The following REEP6 variants were observed in gnomAD, a reference collection of about 807,000 sequenced individuals.
REEP6 encodes receptor expression-enhancing protein 6.
In REEP6, 19 loss-of-function variants were observed where a neutral mutation model predicts 22.4. The observed-to-expected ratio is 0.85, with a 90% CI of 0.59 to 1.25. The LOEUF (loss-of-function observed/expected upper bound fraction) is 1.25, where lower values mean the gene tolerates loss of function less well. Ranked by LOEUF, REEP6 falls within the 50% of genes most tolerant of loss-of-function variation. The pLI is 0.00. For synonymous variants in REEP6, 121 were observed against 113.6 expected (o/e 1.06, Z -0.41); for missense variants, 273 against 251.9 (o/e 1.08, Z -0.57).
chr19:1,494,718 A>G (rs2084991415), intron 1 of REEP6, among the ~76,000 whole-genome samples: 1 of 151,124 alleles, frequency 6.6e-6, no homozygotes, highest in African/African-American at 2.4e-5. Context: ...TTTGAGACGG[A>G]GCCTCACCCA....
intron 4 of REEP6, chr19:1,496,707 T>C: frequency 1.5e-6 from 1 of 678,310 alleles, no homozygotes; most frequent in East Asian, 2.8e-5. Context: ...GAGCTGTGTG[T>C]GTGTGTGTGT....
At chr19:1,492,042 T>G (rs536873273) in intron 1 of REEP6, among the ~76,000 whole-genome samples, 34 of 152,294 alleles carry the variant, frequency 2.2e-4, no homozygotes, top group African/African-American at 6.5e-4. Context: ...TTGGTGACGC[T>G]GCGCGCCCCT....
At chr19:1,495,765 G>C (rs778661260) in intron 3 of REEP6, 158 bp downstream of exon 3, 2 of 986,366 alleles carry the variant, frequency 2.0e-6, no homozygotes, top group Non-Finnish European at 1.5e-6. Context: ...TCCGGGGGCT[G>C]ATGGTGGAGG....
chr19:1,495,487 C>T lies in REEP6; in HGVS notation c.228C>T (p.Ser76=). Reference sequence around the variant, plus strand: ...CCTGCAGAATCAAAGCTATCGAGAGCCCAAGCAAGGACGACGACACTGTGT... The same window carrying T: ...CCTGCAGAATCAAAGCTATCGAGAGTCCAAGCAAGGACGACGACACTGTGT... The part of the protein sequence containing the change: ...PAYASIKAIE[S]PSKDDDTVWL... Residue 76 remains serine, a synonymous_variant, in exon 3 of 5, where the codon AGC becomes AGT. Transcript: ENST00000233596. The T allele has an allele frequency of 6.2e-7, 1 of 1,614,006 alleles. No homozygotes were observed. Among genetic ancestry groups the T allele is most frequent in the Non-Finnish European group, 8.5e-7 (1 of 1,179,992 alleles).
At chr19:1,493,470 G>A (rs2084982470) in intron 1 of REEP6, among the ~76,000 whole-genome samples, 1 of 152,142 alleles carries the variant, frequency 6.6e-6, no homozygotes, top group Admixed American at 6.5e-5. Context: ...CTTTGGTCCA[G>A]AAGTGGCCTC....
rs747751505 is a variant in REEP6 at position 1,491,801 on chromosome 19, C to T, written c.115+417C>T. ...GGGAGGCTCCTGGCGGGAAGGGGAACGGACCGTCCTGGGGGCCTGCCCAGG... is the reference window on the plus strand; with the variant it reads ...GGGAGGCTCCTGGCGGGAAGGGGAATGGACCGTCCTGGGGGCCTGCCCAGG... On this transcript the variant is annotated intron_variant, in intron 1 of 4. Transcript: ENST00000233596. The surrounding 1 kb of genome is among the most constrained non-coding windows in gnomAD (Gnocchi z 5.4). 2.0e-5 allele frequency among the ~76,000 whole-genome samples: 3 copies of T among 152,176 alleles called. No individual in the cohort carries two copies. The highest frequency in any genetic ancestry group is 2.1e-4 in the South Asian group (1 of 4,836).
rs751330788 is a variant in REEP6 at position 1,496,672 on chromosome 19, G to T, written c.517+219G>T. On this transcript the variant is annotated intron_variant, in intron 4 of 4. Coordinates refer to ENST00000233596, the MANE Select transcript of REEP6 (RefSeq NM_138393.4). ...CCCTCCACTCCCCTGGAAGCTGACC[G>T]TACGTAACCGCTGTGGGGAGATAGG... 5.1e-5 allele frequency: 37 copies of T among 723,230 alleles called. No homozygotes were observed. Among genetic ancestry groups the T allele is most frequent in the Non-Finnish European group, 8.4e-5 (33 of 393,194 alleles). 44.8% of individuals were successfully genotyped at this position (723,230 alleles called of 1,614,324 possible).
Position 1,497,682 on chromosome 19 carries a change from C to T in REEP6, c.*471C>T. On this transcript the variant is annotated 3_prime_UTR_variant, in exon 5 of 5. Transcript: ENST00000233596. The surrounding 1 kb of genome is among the most constrained non-coding windows in gnomAD (Gnocchi z 6.5). ...GCCCCCCAGCAAGTCCTCTGGCAAGCCGGAGGACGCAGCCCCCAAGACCAG... is the reference window on the plus strand; with the variant it reads ...GCCCCCCAGCAAGTCCTCTGGCAAGTCGGAGGACGCAGCCCCCAAGACCAG... 1 of 475,784 alleles carries T rather than the reference C, an allele frequency of 2.1e-6. No individual in the cohort carries two copies. The highest frequency in any genetic ancestry group is 4.3e-6 in the Non-Finnish European group (1 of 230,672). 29.5% of individuals were successfully genotyped at this position (475,784 alleles called of 1,614,324 possible). A position where few individuals can be genotyped will look rare whatever the true frequency, so the allele number is the denominator to read the frequency against.
At chr19:1,495,448 C>T in intron 2 of REEP6, 21 bp from the exon 3 acceptor site, 2 of 1,613,852 alleles carry the variant, frequency 1.2e-6, no homozygotes, top group Non-Finnish European at 1.7e-6. Context: ...AGCCCCTGAC[C>T]CTGCTGCACC....
intron 1 of REEP6, among the ~76,000 whole-genome samples, chr19:1,493,959 G>A (rs949761920): frequency 3.9e-5 from 6 of 152,104 alleles, no homozygotes; most frequent in Non-Finnish European, 8.8e-5. Context: ...ATGGTGGTAC[G>A]CTCAGCTACT....
intron 1 of REEP6, among the ~76,000 whole-genome samples, chr19:1,493,044 G>A (rs791474): frequency 6.6e-6 from 1 of 152,104 alleles, no homozygotes; most frequent in Admixed American, 6.5e-5. Context: ...GGAGGCAGGG[G>A]CTGCCTCTGT....
Position 1,496,320 on chromosome 19 carries a change from C to T in REEP6, c.384C>T (p.Pro128=), listed in dbSNP as rs2085005822. 6.2e-7 allele frequency: 1 copy of T among 1,611,694 alleles called. No homozygotes were observed. The highest frequency in any genetic ancestry group is 1.3e-5 in the African/African-American group (1 of 74,926). The change falls in exon 4 of 5, where the codon CCC becomes CCT. Residue 128 remains proline, a synonymous_variant. Transcript: ENST00000233596. ...TGTTGTTCTGCATGGCTCCCAGGCC[C>T]TGGAACGGGGCTCTCATGCTGTATC... ...AFLLFCMAPR[P]WNGALMLYQR...
chr19:1,494,837 G>A (rs760168779), intron 1 of REEP6, among the ~76,000 whole-genome samples: 21 of 152,046 alleles, frequency 1.4e-4, no homozygotes, highest in Admixed American at 3.9e-4. Context: ...GGCACACACC[G>A]CCATGCCTGG....
In REEP6 at chr19:1,496,105, G is replaced by A. The variant is rs539293033; in HGVS notation, c.349-180G>A. ...CTCACTCTAGAGGGTATCTGATGGC[G>A]AAAACCCAGGCCCATCCCAATAGGA... On this transcript the variant is annotated intron_variant, in intron 3 of 4. Coordinates refer to ENST00000233596, the MANE Select transcript of REEP6 (RefSeq NM_138393.4). The A allele has an allele frequency of 1.8e-5, 13 of 720,500 alleles. No homozygotes were observed. In the East Asian group the frequency reaches 1.9e-4, roughly 11 times the overall value. The allele number at this position is 720,500 out of a possible 1,614,324, so 44.6% of individuals were successfully genotyped here. A position where few individuals can be genotyped will look rare whatever the true frequency, so the allele number is the denominator to read the frequency against.
chr19:1,495,676 G>A (rs1409305957), intron 3 of REEP6, 69 bp downstream of exon 3: 2 of 1,598,170 alleles, frequency 1.3e-6, no homozygotes, highest in East Asian at 2.2e-5. Flanking sequence ...AGGCGCTGGG[G>A]CCAGAAAGTC....
Position 1,495,603 on chromosome 19 carries a change from G to A in REEP6, c.344G>A (p.Gly115Asp). ...LLSWFPFYYVGKCAFLLFCMA... is the reference protein window; with the variant it reads ...LLSWFPFYYVDKCAFLLFCMA... ...TCCTGGTTCCCTTTCTACTACGTGG[G>A]CAAGGTGGGCCCTGCCAGGGCGGGC... The change falls in exon 3 of 5, where the codon GGC (glycine) becomes GAC (aspartate). Residue 115 changes from glycine to aspartate, a missense_variant. Coordinates refer to ENST00000233596, the MANE Select transcript of REEP6 (RefSeq NM_138393.4). The A allele has an allele frequency of 6.2e-7, 1 of 1,614,040 alleles. No homozygotes were observed.
At chr19:1,492,518 G>A (rs1307987556) in intron 1 of REEP6, among the ~76,000 whole-genome samples, 1 of 152,100 alleles carries the variant, frequency 6.6e-6, no homozygotes, top group Non-Finnish European at 1.5e-5. Flanking sequence ...CGATCCTCCT[G>A]CCTCAGCCTC....
At chr19:1,493,075 A>ACAGT (rs777334386) in intron 1 of REEP6, among the ~76,000 whole-genome samples, 35 of 152,156 alleles carry the variant, frequency 2.3e-4, no homozygotes, top group Non-Finnish European at 4.3e-4. Context: ...TCTGAAGCAT[A>ACAGT]CAGTCCTCCA....
rs1212870684 is a variant in REEP6 at position 1,497,482 on chromosome 19, G to A, written c.*271G>A. 10 of 691,538 alleles carry A rather than the reference G, an allele frequency of 1.4e-5. No homozygotes were observed. The highest frequency in any genetic ancestry group is 8.2e-5 in the Admixed American group (4 of 49,026). 42.8% of individuals were successfully genotyped at this position (691,538 alleles called of 1,614,324 possible). A position where few individuals can be genotyped will look rare whatever the true frequency, so the allele number is the denominator to read the frequency against. On this transcript the variant is annotated 3_prime_UTR_variant, in exon 5 of 5. Coordinates refer to ENST00000233596, the MANE Select transcript of REEP6 (RefSeq NM_138393.4). The surrounding 1 kb of genome is among the most constrained non-coding windows in gnomAD (Gnocchi z 6.5). ...CTGTCCGGCAGGGCCCAGGGCCAGC[G>A]TCGGGCACAGGGCAGCTCCCACTGG...
Sources: gnomAD v4.1 joint callset for allele counts (sites outside exome capture counted in the v4.1 genomes callset) on GRCh38, gnomAD v4.1.1 for gene constraint, Gnocchi (gnomAD v3.1) non-coding constraint, MANE v1.5 for transcripts, NCBI Gene and HGNC (gene_info 2026-07-23, HGNC 2026-07-21) for gene names.